The following RIPOR1 variants were observed in gnomAD, a reference collection of about 807,000 sequenced individuals.
RIPOR1 encodes rho family-interacting cell polarization regulator 1.
A neutral mutation model predicts 116.5 loss-of-function variants in RIPOR1; 58 were observed. The ratio of observed to expected loss-of-function variants is 0.50; its 90% CI spans 0.40 to 0.62. The LOEUF (loss-of-function observed/expected upper bound fraction) is 0.62. Ranked by LOEUF, RIPOR1 falls within the 20% of genes least tolerant of loss-of-function variation. RIPOR1 has a pLI of 0.00. For synonymous variants in RIPOR1, 605 were observed against 650.0 expected, an observed-to-expected ratio of 0.93 and a Z score of 1.05; for missense variants, 1,372 against 1,586.2, an observed-to-expected ratio of 0.86 and a Z score of 2.29.
chr16:67,543,666 G>A lies in RIPOR1; in HGVS notation c.2600+197G>A, dbSNP rs1048998822. On this transcript the variant is annotated intron_variant, in intron 14 of 21. Coordinates refer to ENST00000042381, the MANE Select transcript of RIPOR1 (RefSeq NM_024519.4). The surrounding 1 kb of genome is among the most constrained non-coding windows in gnomAD (Gnocchi z 4.7). The stretch of plus-strand genomic sequence containing the variant: ...CCCCTCCCATGTCCTTCATGCCCAT[G>A]TCTCCAACCCTACGTGTGTCCCCAG... The A allele has an allele frequency of 4.0e-5, 28 of 701,796 alleles. No individual in the cohort carries two copies. Among genetic ancestry groups the A allele is most frequent in the Non-Finnish European group, 5.5e-5 (23 of 415,472 alleles). The allele number at this position is 701,796 out of a possible 1,614,324, so 43.5% of individuals were successfully genotyped here.
At position 67,540,300 on chromosome 16, in the gene RIPOR1, A is replaced by G. The variant is rs764098878; in HGVS notation, c.568A>G (p.Ser190Gly). ...ATRGHREYTE[S>G]MCLLESELEA... is the part of the protein sequence containing the mutation. ...TCCTGTCCCTGCCCCTCCCTCCCAGAGCATGTGTCTGCTGGAGAGCGAGCT... is the reference window on the plus strand; with the variant it reads ...TCCTGTCCCTGCCCCTCCCTCCCAGGGCATGTGTCTGCTGGAGAGCGAGCT... Residue 190 changes from serine to glycine, a missense_variant and splice_region_variant, in exon 8 of 22, where the codon AGC becomes GGC. Coordinates refer to ENST00000042381, the MANE Select transcript of RIPOR1 (RefSeq NM_024519.4). The surrounding 1 kb of genome is among the most constrained non-coding windows in gnomAD (Gnocchi z 4.7). 12 of 1,613,902 alleles carry G rather than the reference A, an allele frequency of 7.4e-6. No individual in the cohort carries two copies. The South Asian group carries it at 1.3e-4, about 18-fold the overall frequency.
intron 1 of RIPOR1, among the ~76,000 whole-genome samples, chr16:67,519,138 C>T (rs1416986392): frequency 1.3e-5 from 2 of 152,142 alleles, no homozygotes. Context: ...TGCACTACTA[C>T]GCGTGCTGAT....
At position 67,542,993 on chromosome 16, in the gene RIPOR1, C is replaced by T; in HGVS notation, c.2207C>T (p.Pro736Leu). 2 of 1,568,898 alleles carry T rather than the reference C, an allele frequency of 1.3e-6. No homozygotes were observed. The highest frequency in any genetic ancestry group is 1.7e-6 in the Non-Finnish European group (2 of 1,158,010). ...AGTCCTGCCCATTCCAGTAGGAAAC[C>T]CCTCACAAGCCCTGCCCCAGATCCC... ...HPSPAHSSRKPLTSPAPDPSE... is the reference protein window; with the variant it reads ...HPSPAHSSRKLLTSPAPDPSE... The change falls in exon 13 of 22, where the codon CCC becomes CTC. Residue 736 changes from proline to leucine, a missense_variant. This residue lies in a region of RIPOR1 where 1,005 missense variants were observed against 1,144.7 expected (regional missense o/e 0.88). Transcript: ENST00000042381. The surrounding 1 kb of genome is among the most constrained non-coding windows in gnomAD (Gnocchi z 4.6).
Position 67,531,644 on chromosome 16 carries a change from GT to G in RIPOR1, c.-24+2731del, listed in dbSNP as rs2050663709. ...AGAACCTTGCAGGTATTGAGAGAGG[GT>G]CTCAGTTGCTGGAACAGAGAAAGCA... is the stretch of plus-strand genomic sequence containing the variant. On this transcript the variant is annotated intron_variant, in intron 1 of 21. Transcript: ENST00000042381. The surrounding 1 kb of genome is among the most constrained non-coding windows in gnomAD (Gnocchi z 4.2). 1 of 454,790 alleles carries G rather than the reference GT, an allele frequency of 2.2e-6. No individual in the cohort carries two copies. Among genetic ancestry groups the G allele is most frequent in the Admixed American group, 2.4e-5 (1 of 42,400 alleles). 28.2% of individuals were successfully genotyped at this position (454,790 alleles called of 1,614,324 possible). A position where few individuals can be genotyped will look rare whatever the true frequency, so the allele number is the denominator to read the frequency against.
Position 67,541,435 on chromosome 16 carries a change from A to C in RIPOR1, c.807A>C (p.Thr269=), listed in dbSNP as rs2050979106. The change falls in exon 11 of 22, where the codon ACA becomes ACC. Residue 269 remains threonine, a synonymous_variant. Coordinates refer to ENST00000042381, the MANE Select transcript of RIPOR1 (RefSeq NM_024519.4). The surrounding 1 kb of genome is among the most constrained non-coding windows in gnomAD (Gnocchi z 4.6). ...LLTEFLSIKV[T]ELKGLANHVV... is the part of the protein sequence containing the mutation. ...CCATGCACTCTTGGCTACAGGTGAC[A>C]GAACTGAAGGGCCTGGCCAACCATG... 1 of 1,613,716 alleles carries C rather than the reference A, an allele frequency of 6.2e-7. No homozygotes were observed. Among genetic ancestry groups the C allele is most frequent in the African/African-American group, 1.3e-5 (1 of 75,016 alleles).
chr16:67,536,829 A>G (rs1000329784), intron 1 of RIPOR1, among the ~76,000 whole-genome samples: 1 of 152,060 alleles, frequency 6.6e-6, no homozygotes, highest in African/African-American at 2.4e-5. Context: ...CCCTCCAATC[A>G]GCACCCTTAG....
chr16:67,542,025 A>C lies in RIPOR1; in HGVS notation c.1239A>C (p.Gln413His), dbSNP rs2051002051. The change falls in exon 13 of 22, where the codon CAA becomes CAC. Residue 413 changes from glutamine (Q) to histidine (H), a missense_variant. Gln to His is a conservative substitution (Grantham distance 24, BLOSUM62 0). Transcript: ENST00000042381. The surrounding 1 kb of genome is among the most constrained non-coding windows in gnomAD (Gnocchi z 4.6). ...AGCAGCCCGAGCCCCTTCCCATCCAAGTTGCCTTCCGCAGGCCTGAGACCC... is the reference window on the plus strand; with the variant it reads ...AGCAGCCCGAGCCCCTTCCCATCCACGTTGCCTTCCGCAGGCCTGAGACCC... ...LVQQPEPLPI[Q>H]VAFRRPETPS... The C allele has an allele frequency of 6.2e-7, 1 of 1,608,884 alleles. No individual in the cohort carries two copies. Among genetic ancestry groups the C allele is most frequent in the Non-Finnish European group, 8.5e-7 (1 of 1,176,560 alleles).
At chr16:67,539,630 TGTG>T (rs2050910953) in intron 4 of RIPOR1, 95 bp from the exon 5 acceptor site, 1 of 1,400,228 alleles carries the variant, frequency 7.1e-7, no homozygotes, top group Non-Finnish European at 1.0e-6. Context: ...GCTTGTGGAC[TGTG>T]GTGTGAGAAA....
At chr16:67,534,858 T>C (rs2050754427) in intron 1 of RIPOR1, among the ~76,000 whole-genome samples, 1 of 145,700 alleles carries the variant, frequency 6.9e-6, no homozygotes, top group Non-Finnish European at 1.5e-5. Flanking sequence ...TTTTTTTTTT[T>C]TTGAGACAGA....
intron 4 of RIPOR1, chr16:67,539,309 C>T: frequency 1.8e-6 from 1 of 541,304 alleles, no homozygotes; most frequent in Non-Finnish European, 3.3e-6. Flanking sequence ...CCCCTACAGA[C>T]ATGGACAGCA....
In RIPOR1 at chr16:67,543,716, C is replaced by G. The variant is rs2051076069; in HGVS notation, c.2600+247C>G. 3 of 570,150 alleles carry G rather than the reference C, an allele frequency of 5.3e-6. No homozygotes were observed. The African/African-American group carries it at 5.7e-5, about 11-fold the overall frequency. The allele number at this position is 570,150 out of a possible 1,614,324, so 35.3% of individuals were successfully genotyped here. On this transcript the variant is annotated intron_variant, in intron 14 of 21. Transcript: ENST00000042381. The surrounding 1 kb of genome is among the most constrained non-coding windows in gnomAD (Gnocchi z 4.7). ...GTGCTTCTGACCGCCCTCTTCATCTCTGCAATGTCTGCCTCCCCTGCCGGT... is the reference window on the plus strand; with the variant it reads ...GTGCTTCTGACCGCCCTCTTCATCTGTGCAATGTCTGCCTCCCCTGCCGGT...
rs1397130611 is a variant in RIPOR1, at chr16:67,531,413, G to A, written c.-24+2499G>A. 2 of 304,814 alleles carry A rather than the reference G, an allele frequency of 6.6e-6. No homozygotes were observed. The highest frequency in any genetic ancestry group is 1.3e-5 in the Non-Finnish European group (2 of 151,594). 18.9% of individuals were successfully genotyped at this position (304,814 alleles called of 1,614,324 possible). On this transcript the variant is annotated intron_variant, in intron 1 of 21. Transcript: ENST00000042381. The surrounding 1 kb of genome is among the most constrained non-coding windows in gnomAD (Gnocchi z 4.2). ...CCCAGGTCTCACAAGGTTCAGTCTG[G>A]TGGGAAGACAGGCCCTAAAGGAGAA...
Position 67,531,712 on chromosome 16 carries a change from C to T in RIPOR1, c.-24+2798C>T, listed in dbSNP as rs577363653. 19 of 423,610 alleles carry T rather than the reference C, an allele frequency of 4.5e-5. No homozygotes were observed. The East Asian group carries it at 1.3e-3, about 29-fold the overall frequency. The allele number at this position is 423,610 out of a possible 1,614,324, so 26.2% of individuals were successfully genotyped here. A position where few individuals can be genotyped will look rare whatever the true frequency, so the allele number is the denominator to read the frequency against. On this transcript the variant is annotated intron_variant, in intron 1 of 21. Transcript: ENST00000042381. This position sits in a 1 kb window ranked among gnomAD's most constrained non-coding sequence, Gnocchi z 4.2. ...GGAGTGGTTGAAAGAATGTGAGGGA[C>T]AGGACAAATCCTGAAGGGCCTACGT...
intron 1 of RIPOR1, among the ~76,000 whole-genome samples, chr16:67,534,988 G>A (rs1436541932): frequency 9.2e-5 from 14 of 151,714 alleles, no homozygotes; most frequent in South Asian, 2.1e-4. Flanking sequence ...CACTACAGGC[G>A]TGCACGACCA....
chr16:67,532,510 T>A (rs1251941163), intron 1 of RIPOR1, among the ~76,000 whole-genome samples: 1 of 152,058 alleles, frequency 6.6e-6, no homozygotes, highest in African/African-American at 2.4e-5. Flanking sequence ...TCAACGTCCC[T>A]ACCCCACATA....
At position 67,529,715 on chromosome 16, in the gene RIPOR1, C is replaced by G. The variant is rs2050603083; in HGVS notation, c.-24+801C>G. ...TGTGTCCAGGCTGGCCGCCCCAGCA[C>G]CTACTGTGCGCAGCCTCGTGTAACA... On this transcript the variant is annotated intron_variant, in intron 1 of 21. Transcript: ENST00000042381. The surrounding 1 kb of genome is among the most constrained non-coding windows in gnomAD (Gnocchi z 4.1). The G allele has an allele frequency of 2.6e-6, 4 of 1,520,980 alleles. No homozygotes were observed. The highest frequency in any genetic ancestry group is 3.5e-6 in the Non-Finnish European group (4 of 1,138,638). 94.2% of individuals were successfully genotyped at this position (1,520,980 alleles called of 1,614,324 possible).
Position 67,543,465 on chromosome 16 carries a change from G to T in RIPOR1, c.2596G>T (p.Asp866Tyr), listed in dbSNP as rs1300135656. 7.1e-6 allele frequency: 11 copies of T among 1,551,364 alleles called. No individual in the cohort carries two copies. Among genetic ancestry groups the T allele is most frequent in the African/African-American group, 2.7e-5 (2 of 73,202 alleles). ...DEDEDNDVPGDRPPSSPEAGA... is the reference protein window; with the variant it reads ...DEDEDNDVPGYRPPSSPEAGA... ...AGATGAAGACAATGATGTTCCTGGG[G>T]ACAGGTGAGGGGGCTAGGCAAGATG... Residue 866 changes from aspartate (D) to tyrosine (Y), a missense_variant, in exon 14 of 22, where the codon GAC becomes TAC. Around this residue, in one of 3 missense-constraint regions of RIPOR1, gnomAD observed 1,005 missense variants for 1,144.7 expected, o/e 0.88. Coordinates refer to ENST00000042381, the MANE Select transcript of RIPOR1 (RefSeq NM_024519.4). This position sits in a 1 kb window ranked among gnomAD's most constrained non-coding sequence, Gnocchi z 4.7.
chr16:67,545,043 A>G lies in RIPOR1; in HGVS notation c.2957A>G (p.Glu986Gly). ...CTCAGCTGCTTCCTCTGCCCGGTGG[A>G]GCGGGTGCTTCTCACCTTCTGCAAC... ...ERLSCFLCPV[E>G]RVLLTFCNQY... Residue 986 changes from glutamate (E) to glycine (G), a missense_variant, in exon 17 of 22, where the codon GAG becomes GGG. Around this residue, in one of 3 missense-constraint regions of RIPOR1, gnomAD observed 1,005 missense variants for 1,144.7 expected, o/e 0.88. Transcript: ENST00000042381. This position sits in a 1 kb window ranked among gnomAD's most constrained non-coding sequence, Gnocchi z 4.8. 6.2e-7 allele frequency: 1 copy of G among 1,613,444 alleles called. No homozygotes were observed. Among genetic ancestry groups the G allele is most frequent in the East Asian group, 2.2e-5 (1 of 44,874 alleles).
Position 67,541,827 on chromosome 16 carries a change from C to G in RIPOR1, c.1081-40C>G. ...CAGGCCTCACCATCCCCCAGAGGCTCCCTGGGGGTGGTTCTGAAATGCCCT... is the reference window on the plus strand; with the variant it reads ...CAGGCCTCACCATCCCCCAGAGGCTGCCTGGGGGTGGTTCTGAAATGCCCT... On this transcript the variant is annotated intron_variant, in intron 12 of 21. Coordinates refer to ENST00000042381, the MANE Select transcript of RIPOR1 (RefSeq NM_024519.4). The surrounding 1 kb of genome is among the most constrained non-coding windows in gnomAD (Gnocchi z 4.6). The G allele has an allele frequency of 6.2e-7, 1 of 1,613,318 alleles. No homozygotes were observed. The highest frequency in any genetic ancestry group is 8.5e-7 in the Non-Finnish European group (1 of 1,179,496).
Sources: gnomAD v4.1 joint callset for allele counts (sites outside exome capture counted in the v4.1 genomes callset) on GRCh38, gnomAD v4.1.1 for gene constraint, gnomAD v4.1.1 regional missense constraint, Gnocchi (gnomAD v3.1) non-coding constraint, MANE v1.5 for transcripts, NCBI Gene and HGNC (gene_info 2026-07-23, HGNC 2026-07-21) for gene names.